Variants in CELF2 observed in about 807,000 individuals in gnomAD.
CELF2 encodes CUGBP Elav-like family member 2.
In CELF2, 8 loss-of-function variants were observed where a neutral mutation model predicts 62.6. The ratio of observed to expected loss-of-function variants is 0.13; its 90% confidence interval spans 0.07 to 0.23. CELF2 has a LOEUF of 0.23. Ranked by LOEUF, CELF2 falls within the 10% of genes least tolerant of loss-of-function variation. The probability of loss-of-function intolerance (pLI) is 1.00; values close to 1 mark genes in which losing one functional copy is unlikely to be tolerated. For synonymous variants in CELF2, 258 were observed against 250.0 expected (o/e 1.03, Z -0.30); for missense variants, 333 against 671.0 (o/e 0.50, Z 5.56).
At chr10:10,823,772 T>C (rs1290717205) in intron 1 of CELF2, among the ~76,000 whole-genome samples, 1 of 152,228 alleles carries the variant, frequency 6.6e-6, no homozygotes, top group Non-Finnish European at 1.5e-5. Context: ...TCTATGAGCT[T>C]ATTTAATTCT....
At chr10:10,663,096 C>T in the CELF2 span, among the ~76,000 whole-genome samples, 1 of 152,186 alleles carries the variant, frequency 6.6e-6, no homozygotes, top group African/African-American at 2.4e-5. Flanking sequence ...GAGAGGAAGT[C>T]CTCAGGCAGG....
intron 1 of CELF2, among the ~76,000 whole-genome samples, chr10:11,124,744 A>C (rs1172533311): frequency 1.3e-5 from 2 of 152,238 alleles, no homozygotes; most frequent in Non-Finnish European, 2.9e-5. Context: ...TGGAGCTTAC[A>C]GTCTATTATA....
chr10:10,754,561 C>T, the CELF2 span, among the ~76,000 whole-genome samples: 3 of 152,186 alleles, frequency 2.0e-5, no homozygotes, highest in East Asian at 3.8e-4. Flanking sequence ...TCTAAGTGAA[C>T]TCTGCTGTCT....
At position 11,011,896 on chromosome 10, in the gene CELF2, T is replaced by A. The variant is rs935850115; in HGVS notation, c.53+6456T>A. On this transcript the variant is annotated intron_variant, in intron 1 of 12. Transcript: ENST00000416382. This position sits in a 1 kb window ranked among gnomAD's most constrained non-coding sequence, Gnocchi z 4.6. ...TTTGAACCATATTATAGGGAAAAAA[T>A]AAATTTCCTGTGCTCAAAACCTTAA... Among the ~76,000 whole-genome samples the A allele has an allele frequency of 1.3e-5, 2 of 152,166 alleles. No homozygotes were observed. Among genetic ancestry groups the A allele is most frequent in the Non-Finnish European group, 2.9e-5 (2 of 68,022 alleles).
chr10:11,226,600 CCACACACA>C lies in CELF2; in HGVS notation c.354+9129_354+9136del, dbSNP rs59521803. Among the ~76,000 whole-genome samples the C allele has an allele frequency of 1.6e-3, 41 of 25,964 alleles. 1 individual carries two copies. Among genetic ancestry groups the C allele is most frequent in the Admixed American group, 3.7e-3 (6 of 1,614 alleles). 17.0% of individuals were successfully genotyped at this position (25,964 alleles called of 152,430 possible). Reference sequence around the variant, plus strand: ...TAGAAGTCAGCTGGGCAGGCAGTGGCCACACACACACACACACACACACACACACACAC... The same window carrying C: ...TAGAAGTCAGCTGGGCAGGCAGTGGCCACACACACACACACACACACACAC... On this transcript the variant is annotated intron_variant, in intron 3 of 12. Coordinates refer to ENST00000633077, the MANE Select transcript of CELF2 (RefSeq NM_001326342.2).
At chr10:11,283,750 C>A (rs2089868751) in intron 8 of CELF2, among the ~76,000 whole-genome samples, 1 of 148,724 alleles carries the variant, frequency 6.7e-6, no homozygotes, top group Non-Finnish European at 1.5e-5. Context: ...AGAATGGTGG[C>A]TCTGCTTGTC....
At chr10:11,130,442 C>T (rs1022974241) in intron 1 of CELF2, among the ~76,000 whole-genome samples, 12 of 152,316 alleles carry the variant, frequency 7.9e-5, no homozygotes, top group Non-Finnish European at 1.6e-4. Flanking sequence ...GTTTGGTTTC[C>T]TTACTGGGAT....
the CELF2 span, among the ~76,000 whole-genome samples, chr10:10,522,850 A>G: frequency 1.3e-5 from 2 of 152,176 alleles, no homozygotes; most frequent in Non-Finnish European, 2.9e-5. Flanking sequence ...GATTACAGGC[A>G]TAAGCCACCG....
the CELF2 span, among the ~76,000 whole-genome samples, chr10:10,603,298 T>A: frequency 9.2e-5 from 14 of 151,496 alleles, no homozygotes; most frequent in Non-Finnish European, 1.6e-4. Flanking sequence ...AATAGCTCCA[T>A]GCAGCTTCAA....
intron 3 of CELF2, among the ~76,000 whole-genome samples, chr10:11,222,030 C>T (rs1221480480): frequency 6.6e-6 from 1 of 152,214 alleles, no homozygotes; most frequent in African/African-American, 2.4e-5. Flanking sequence ...TGAATGGGCC[C>T]CTTCCTGGCC....
rs2054873022 is a variant in CELF2, at chr10:11,110,530, A to G, written c.75-54956A>G. On this transcript the variant is annotated intron_variant, in intron 1 of 12. Transcript: ENST00000633077. This position sits in a 1 kb window ranked among gnomAD's most constrained non-coding sequence, Gnocchi z 4.0. ...CTAGATTGATGAAATACACTAATGC[A>G]TGGAGTAGAAACAGAGGGGCTTTAA... Among the ~76,000 whole-genome samples, 1 of 152,178 alleles carries G rather than the reference A, an allele frequency of 6.6e-6. No individual in the cohort carries two copies. Among genetic ancestry groups the G allele is most frequent in the African/African-American group, 2.4e-5 (1 of 41,438 alleles).
the CELF2 span, among the ~76,000 whole-genome samples, chr10:10,730,757 G>A: frequency 1.6e-4 from 24 of 152,284 alleles, no homozygotes; most frequent in Admixed American, 6.5e-4. Flanking sequence ...TTCTACTGAA[G>A]AGTTGTGAAG....
intron 2 of CELF2, among the ~76,000 whole-genome samples, chr10:11,196,448 G>T (rs1364806945): frequency 6.6e-6 from 1 of 151,442 alleles, no homozygotes; most frequent in Non-Finnish European, 1.5e-5. Flanking sequence ...GATCACTTAA[G>T]CCCAGGAGTT....
chr10:10,556,151 T>A, the CELF2 span, among the ~76,000 whole-genome samples: 16 of 152,154 alleles, frequency 1.1e-4, no homozygotes, highest in Non-Finnish European at 2.1e-4. Context: ...CATCTAGCAT[T>A]AGGTATATCT....
At chr10:10,474,771 G>A in the CELF2 span, among the ~76,000 whole-genome samples, 1 of 152,074 alleles carries the variant, frequency 6.6e-6, no homozygotes, top group Non-Finnish European at 1.5e-5. Flanking sequence ...AAGGATTGCT[G>A]TGACTGTTCT....
At chr10:11,070,198 G>A (rs2069431807) in intron 1 of CELF2, among the ~76,000 whole-genome samples, 1 of 152,148 alleles carries the variant, frequency 6.6e-6, no homozygotes, top group Admixed American at 6.5e-5. Flanking sequence ...AGGCAAAGGA[G>A]GAGGGAAGAG....
intron 1 of CELF2, among the ~76,000 whole-genome samples, chr10:11,077,704 G>A (rs1484874532): frequency 2.6e-5 from 4 of 152,186 alleles, no homozygotes; most frequent in Non-Finnish European, 5.9e-5. Flanking sequence ...CTGTAAGTGA[G>A]ATACATTGAA....
intron 1 of CELF2, among the ~76,000 whole-genome samples, chr10:11,065,723 C>T (rs1307994163): frequency 6.6e-6 from 1 of 152,156 alleles, no homozygotes; most frequent in Non-Finnish European, 1.5e-5. Flanking sequence ...GCTGAGTGTG[C>T]ACTCTAGTGA....
chr10:11,035,848 A>AGAGAG (rs1491479043), intron 1 of CELF2, among the ~76,000 whole-genome samples: 5 of 152,228 alleles, frequency 3.3e-5, no homozygotes, highest in Non-Finnish European at 5.9e-5. Flanking sequence ...TTAGAAGCTT[A>AGAGAG]GAGAGGCAGG....
Sources: gnomAD v4.1 joint callset for allele counts (sites outside exome capture counted in the v4.1 genomes callset) on GRCh38, gnomAD v4.1.1 for gene constraint, Gnocchi (gnomAD v3.1) non-coding constraint, MANE v1.5 for transcripts, NCBI Gene and HGNC (gene_info 2026-07-23, HGNC 2026-07-21) for gene names.